The following PTPRU variants were observed in gnomAD, a reference collection of about 807,000 sequenced individuals.
PTPRU encodes protein tyrosine phosphatase receptor type U.
PTPRU carries 69 observed loss-of-function variants against 166.3 expected under a neutral mutation model. That is an observed-to-expected ratio of 0.41 (90% CI 0.34 to 0.51). PTPRU has a LOEUF of 0.51. Among genes scored for constraint, PTPRU ranks in the 20% least tolerant of loss-of-function variants. The pLI, the probability that PTPRU is intolerant of heterozygous loss-of-function variation, is 0.09. For synonymous variants in PTPRU, 793 were observed against 814.0 expected (o/e 0.97, Z 0.44); for missense variants, 1,657 against 2,013.7 (o/e 0.82, Z 3.39).
chr1:29,310,677 AGAG>A lies in PTPRU; in HGVS notation c.2821-62_2821-60del. ...GGTTCTGCTGCTGGGAGGGGAGGGTAGAGGAGGTGTGGGGGAGTGAGGGGCTAC... is the reference window on the plus strand; with the variant it reads ...GGTTCTGCTGCTGGGAGGGGAGGGTAGAGGTGTGGGGGAGTGAGGGGCTAC... On this transcript the variant is annotated intron_variant, in intron 18 of 29. Transcript: ENST00000373779. 6.7e-6 allele frequency: 10 copies of A among 1,499,208 alleles called. No homozygotes were observed. In the South Asian group the frequency reaches 1.0e-4, roughly 15 times the overall value. 92.9% of individuals were successfully genotyped at this position (1,499,208 alleles called of 1,614,324 possible).
At chr1:29,312,811 T>G in intron 22 of PTPRU, 105 bp downstream of exon 22, 2 of 1,386,886 alleles carry the variant, frequency 1.4e-6, no homozygotes, top group Admixed American at 5.0e-5. Flanking sequence ...AGGCCTGGGT[T>G]CTCCTGCTTA....
intron 1 of PTPRU, among the ~76,000 whole-genome samples, chr1:29,247,087 CTGT>C (rs1684331714): frequency 6.6e-6 from 1 of 152,244 alleles, no homozygotes; most frequent in Admixed American, 6.5e-5. Flanking sequence ...CCTTATCTCT[CTGT>C]TGTTCTGTGT....
chr1:29,279,902 T>C lies in PTPRU; in HGVS notation c.1766-137T>C. 1 of 1,008,752 alleles carries C rather than the reference T, an allele frequency of 9.9e-7. No individual in the cohort carries two copies. Among genetic ancestry groups the C allele is most frequent in the Non-Finnish European group, 1.5e-6 (1 of 682,222 alleles). The allele number at this position is 1,008,752 out of a possible 1,614,324, so 62.5% of individuals were successfully genotyped here. On this transcript the variant is annotated intron_variant, in intron 10 of 29. Transcript: ENST00000373779. The surrounding 1 kb of genome is among the most constrained non-coding windows in gnomAD (Gnocchi z 5.2). ...GCCTGAGGTCAGGGGCCAGGGTAGC[T>C]CAGGTCATGTCAGCAGGAACAAAGA... is the stretch of plus-strand genomic sequence containing the variant.
Position 29,271,517 on chromosome 1 carries a change from G to C in PTPRU, c.1145-3931G>C, listed in dbSNP as rs1028267977. ...AATGAGATGCCTAAGTCTGAAGTTG[G>C]GAGTTTCATCCTCCAAAGTTGCTAT... is the stretch of plus-strand genomic sequence containing the variant. On this transcript the variant is annotated intron_variant, in intron 7 of 29. Transcript: ENST00000373779. This position sits in a 1 kb window ranked among gnomAD's most constrained non-coding sequence, Gnocchi z 4.4. Among the ~76,000 whole-genome samples, 4 of 152,176 alleles carry C rather than the reference G, an allele frequency of 2.6e-5. No homozygotes were observed. The highest frequency in any genetic ancestry group is 4.8e-5 in the African/African-American group (2 of 41,440).
rs1226411927 is a variant in PTPRU at position 29,259,521 on chromosome 1, T to C, written c.632T>C (p.Met211Thr). 42 of 1,357,852 alleles carry C rather than the reference T, an allele frequency of 3.1e-5. No homozygotes were observed. Among genetic ancestry groups the C allele is most frequent in the Non-Finnish European group, 3.8e-5 (39 of 1,021,950 alleles). The allele number at this position is 1,357,852 out of a possible 1,614,324, so 84.1% of individuals were successfully genotyped here. Residue 211 changes from methionine to threonine, a missense_variant, in exon 5 of 30, where the codon ATG (methionine) becomes ACG (threonine). Transcript: ENST00000373779. ...GGCCAGAACGCGTCGTTCCAGTGCATGGCCGCGGGCAGAGCGGCCGAGGCC... is the reference window on the plus strand; with the variant it reads ...GGCCAGAACGCGTCGTTCCAGTGCACGGCCGCGGGCAGAGCGGCCGAGGCC... ...NAGQNASFQCMAAGRAAEAER... is the reference protein window; with the variant it reads ...NAGQNASFQCTAAGRAAEAER...
At chr1:29,302,276 T>C (rs1687173110) in intron 15 of PTPRU, among the ~76,000 whole-genome samples, 1 of 152,206 alleles carries the variant, frequency 6.6e-6, no homozygotes, top group Non-Finnish European at 1.5e-5. Context: ...TTTGTATAGC[T>C]GTACTATGTG....
At chr1:29,289,693 T>C (rs1686531898) in intron 14 of PTPRU, 1 of 1,613,930 alleles carries the variant, frequency 6.2e-7, no homozygotes. Context: ...GAGAGACCAC[T>C]ATGCCTACTC....
At position 29,323,784 on chromosome 1, in the gene PTPRU, TGCCTGTGA is replaced by T; in HGVS notation, c.4110_4112+5del. Reference sequence around the variant, plus strand: ...TGGGGATGGGCGCACCATCGTGCACTGCCTGTGAGTACCTGCCCTGTGGGAGGGCGGGT... The same window carrying T: ...TGGGGATGGGCGCACCATCGTGCACTGTACCTGCCCTGTGGGAGGGCGGGT... On this transcript the variant is annotated splice_donor_variant and splice_donor_region_variant and coding_sequence_variant and intron_variant, in exon 28 of 30. Coordinates refer to ENST00000373779, the MANE Select transcript of PTPRU (RefSeq NM_133178.4). LOFTEE classifies it high-confidence loss of function. The T allele has an allele frequency of 6.2e-7, 1 of 1,613,264 alleles. No homozygotes were observed. Among genetic ancestry groups the T allele is most frequent in the Non-Finnish European group, 8.5e-7 (1 of 1,179,570 alleles).
chr1:29,250,105 A>G (rs1029729060), intron 1 of PTPRU, among the ~76,000 whole-genome samples: 2 of 152,126 alleles, frequency 1.3e-5, no homozygotes, highest in African/African-American at 4.8e-5. Context: ...CTCTGCTTAG[A>G]TGCCGCCTCT....
chr1:29,291,579 G>T lies in PTPRU; in HGVS notation c.2319-290G>T, dbSNP rs1036502399. ...TCTTTCCCATTTCCTAAGCCCAGGGGGCCAGTGAAACTTAGGAGTGAGATC... is the reference window on the plus strand; with the variant it reads ...TCTTTCCCATTTCCTAAGCCCAGGGTGCCAGTGAAACTTAGGAGTGAGATC... On this transcript the variant is annotated intron_variant, in intron 14 of 29. Coordinates refer to ENST00000373779, the MANE Select transcript of PTPRU (RefSeq NM_133178.4). The surrounding 1 kb of genome is among the most constrained non-coding windows in gnomAD (Gnocchi z 4.1). Among the ~76,000 whole-genome samples the T allele has an allele frequency of 6.6e-6, 1 of 152,142 alleles. No individual in the cohort carries two copies. Among genetic ancestry groups the T allele is most frequent in the Admixed American group, 6.5e-5 (1 of 15,278 alleles).
At position 29,291,791 on chromosome 1, in the gene PTPRU, C is replaced by G; in HGVS notation, c.2319-78C>G. On this transcript the variant is annotated intron_variant, in intron 14 of 29. Transcript: ENST00000373779. This position sits in a 1 kb window ranked among gnomAD's most constrained non-coding sequence, Gnocchi z 4.1. Reference sequence around the variant, plus strand: ...CTCCTGGCCTTGAGGTCCCCTTACTCCAGGGCCTCCCCAGCCACCTCTGGG... The same window carrying G: ...CTCCTGGCCTTGAGGTCCCCTTACTGCAGGGCCTCCCCAGCCACCTCTGGG... 1 of 1,506,886 alleles carries G rather than the reference C, an allele frequency of 6.6e-7. No homozygotes were observed. 93.3% of individuals were successfully genotyped at this position (1,506,886 alleles called of 1,614,324 possible).
rs1218017822 is a variant in PTPRU, at chr1:29,279,732, ATGGGGGGCATCC to A, written c.1765+82_1765+93del. The A allele has an allele frequency of 2.6e-6, 4 of 1,515,906 alleles. No homozygotes were observed. The Admixed American group carries it at 6.8e-5, about 26-fold the overall frequency. The allele number at this position is 1,515,906 out of a possible 1,614,324, so 93.9% of individuals were successfully genotyped here. ...CCAGGGTTCCATGGGCAGAAGGGAA[ATGGGGGGCATCC>A]TGGGGGTAGTTACAGAGGGCCCCTG... is the stretch of plus-strand genomic sequence containing the variant. On this transcript the variant is annotated intron_variant, in intron 10 of 29. Coordinates refer to ENST00000373779, the MANE Select transcript of PTPRU (RefSeq NM_133178.4). This position sits in a 1 kb window ranked among gnomAD's most constrained non-coding sequence, Gnocchi z 5.2.
chr1:29,282,946 G>C lies in PTPRU; in HGVS notation c.2139G>C (p.Lys713Asn), dbSNP rs1312328083. 6.2e-7 allele frequency: 1 copy of C among 1,613,060 alleles called. No homozygotes were observed. Among genetic ancestry groups the C allele is most frequent in the Non-Finnish European group, 8.5e-7 (1 of 1,179,774 alleles). The part of the protein sequence containing the change: ...LIYFQAASHL[K>N]GETRLNCIRI... ...ACTTCCAGGCAGCAAGCCACCTGAA[G>C]GGGGTGAGGGACCGGCCAGGGTCAT... The change falls in exon 12 of 30, where the codon AAG (lysine) becomes AAC (asparagine). Residue 713 changes from lysine to asparagine, a missense_variant. By Grantham distance (94) the Lys-to-Asn change is moderately conservative. Around this residue, in one of 3 missense-constraint regions of PTPRU, gnomAD observed 1,190 missense variants for 1,477.4 expected, o/e 0.81. Transcript: ENST00000373779.
chr1:29,314,420 C>T (rs7545515), intron 22 of PTPRU, among the ~76,000 whole-genome samples: 41,382 of 151,932 alleles, frequency 0.27, 6,163 homozygotes, highest in East Asian at 0.49. Flanking sequence ...CCACTGTTTT[C>T]AAACCTGAAA....
rs762650871 is a variant in PTPRU at position 29,275,903 on chromosome 1, A to G, written c.1453+147A>G. The G allele has an allele frequency of 6.3e-4, 571 of 904,292 alleles. 3 individuals are homozygous for G. Among genetic ancestry groups the G allele is most frequent in the Middle Eastern group, 1.4e-3 (4 of 2,856 alleles). The allele number at this position is 904,292 out of a possible 1,614,324, so 56.0% of individuals were successfully genotyped here. A position where few individuals can be genotyped will look rare whatever the true frequency, so the allele number is the denominator to read the frequency against. ...TAACACCAAAGTAGTGATAGCTCCT[A>G]TTTTTTCTCTGGAAGACTTTGGGTT... On this transcript the variant is annotated intron_variant, in intron 8 of 29. Coordinates refer to ENST00000373779, the MANE Select transcript of PTPRU (RefSeq NM_133178.4).
chr1:29,267,232 A>G (rs1198913400), intron 7 of PTPRU, among the ~76,000 whole-genome samples: 1 of 152,194 alleles, frequency 6.6e-6, no homozygotes, highest in South Asian at 2.1e-4. Context: ...TTATCTAGAG[A>G]CAAACAAACC....
At position 29,310,729 on chromosome 1, in the gene PTPRU, C is replaced by G; in HGVS notation, c.2821-15C>G. On this transcript the variant is annotated splice_polypyrimidine_tract_variant and intron_variant, in intron 18 of 29. Transcript: ENST00000373779. ...ACTCCCTGGGGTCTAACCGTGCCCT[C>G]TCCTCCTGTTCCAGGGTTACCACAG... The G allele has an allele frequency of 6.2e-7, 1 of 1,613,162 alleles. No homozygotes were observed. Among genetic ancestry groups the G allele is most frequent in the South Asian group, 1.1e-5 (1 of 91,050 alleles).
intron 14 of PTPRU, among the ~76,000 whole-genome samples, chr1:29,290,756 T>C (rs1032726324): frequency 6.6e-6 from 1 of 152,268 alleles, no homozygotes; most frequent in African/African-American, 2.4e-5. Flanking sequence ...CAAAACCAGA[T>C]GCAGAACTTC....
rs190089304 is a variant in PTPRU at position 29,284,768 on chromosome 1, C to T, written c.2217C>T (p.Ser739=). Residue 739 remains serine (S), a synonymous_variant, in exon 14 of 30, where the codon TCC becomes TCT. Transcript: ENST00000373779. ...CKESKRPLEV[S]QRSEEMGLIL... ...AAAGCAAGCGGCCCCTGGAGGTGTC[C>T]CAGAGATCGGAGGAGATGGGGCTTA... The T allele has an allele frequency of 8.7e-6, 14 of 1,614,034 alleles. No individual in the cohort carries two copies. The East Asian group carries it at 2.7e-4, about 31-fold the overall frequency.
Sources: gnomAD v4.1 joint callset for allele counts (sites outside exome capture counted in the v4.1 genomes callset) on GRCh38, gnomAD v4.1.1 for gene constraint, gnomAD v4.1.1 regional missense constraint, Gnocchi (gnomAD v3.1) non-coding constraint, MANE v1.5 for transcripts, NCBI Gene and HGNC (gene_info 2026-07-23, HGNC 2026-07-21) for gene names.